Variants in SNX25 observed in about 807,000 individuals in gnomAD.
The protein encoded by SNX25 is sorting nexin-25.
In SNX25, 62 loss-of-function variants were observed where a neutral mutation model predicts 113.7. The ratio of observed to expected loss-of-function variants is 0.55; its 90% confidence interval spans 0.44 to 0.67. SNX25 has a LOEUF of 0.67. Ranked by LOEUF, SNX25 falls within the 30% of genes least tolerant of loss-of-function variation. The pLI, the probability that SNX25 is intolerant of heterozygous loss-of-function variation, is 0.00. For missense variants in SNX25, 1,014 were observed against 1,161.0 expected, an observed-to-expected ratio of 0.87 and a Z score of 1.84; for synonymous variants, 421 against 436.2, an observed-to-expected ratio of 0.97 and a Z score of 0.43.
At chr4:185,296,996 A>G (rs1488320378) in intron 6 of SNX25, among the ~76,000 whole-genome samples, 2 of 152,100 alleles carry the variant, frequency 1.3e-5, no homozygotes, top group African/African-American at 2.4e-5. Context: ...TTGACTGCTC[A>G]GTCTTCTTGA....
chr4:185,350,797 A>G (rs909485825), intron 13 of SNX25, among the ~76,000 whole-genome samples: 18 of 152,210 alleles, frequency 1.2e-4, no homozygotes, highest in Non-Finnish European at 2.5e-4. Flanking sequence ...AGGAGGCAGA[A>G]GTTGCGGTGA....
At chr4:185,321,128 A>G (rs1217275230) in intron 8 of SNX25, among the ~76,000 whole-genome samples, 1 of 152,176 alleles carries the variant, frequency 6.6e-6, no homozygotes, top group Non-Finnish European at 1.5e-5. Flanking sequence ...TTTTTTTTAC[A>G]CATTGTAAAA....
At chr4:185,222,610 A>G (rs1473316045) in intron 1 of SNX25, among the ~76,000 whole-genome samples, 1 of 152,178 alleles carries the variant, frequency 6.6e-6, no homozygotes, top group Non-Finnish European at 1.5e-5. Flanking sequence ...TTGTAATTTT[A>G]TACTCATTTG....
chr4:185,209,964 G>A lies in SNX25; in HGVS notation c.138G>A (p.Ala46=). 2 of 983,526 alleles carry A rather than the reference G, an allele frequency of 2.0e-6. No homozygotes were observed. Among genetic ancestry groups the A allele is most frequent in the South Asian group, 4.6e-5 (1 of 21,628 alleles). The allele number at this position is 983,526 out of a possible 1,614,324, so 60.9% of individuals were successfully genotyped here. A position where few individuals can be genotyped will look rare whatever the true frequency, so the allele number is the denominator to read the frequency against. ...CGGGGGACGCGGAGGCAGCAGCAGC[G>A]GCGGCGCCGGGGGCCCCGGGCGGCC... is the stretch of plus-strand genomic sequence containing the variant. The part of the protein sequence containing the change: ...ESPGDAEAAA[A]AAPGAPGGRS... Residue 46 remains alanine (A), a synonymous_variant, in exon 1 of 19, where the codon GCG becomes GCA. Coordinates refer to ENST00000652585, the MANE Select transcript of SNX25 (RefSeq NM_001378034.2). This position sits in a 1 kb window ranked among gnomAD's most constrained non-coding sequence, Gnocchi z 5.2.
Position 185,258,844 on chromosome 4 carries a change from G to A in SNX25, c.515-4G>A. The A allele has an allele frequency of 6.2e-7, 1 of 1,606,696 alleles. No individual in the cohort carries two copies. The highest frequency in any genetic ancestry group is 8.5e-7 in the Non-Finnish European group (1 of 1,173,826). ...TTACTCATTGCTTTGTTTATTCCTGGTAGTGTTCGACTACAGTTATAGAGA... is the reference window on the plus strand; with the variant it reads ...TTACTCATTGCTTTGTTTATTCCTGATAGTGTTCGACTACAGTTATAGAGA... On this transcript the variant is annotated splice_polypyrimidine_tract_variant and splice_region_variant and intron_variant, in intron 2 of 18. Coordinates refer to ENST00000652585, the MANE Select transcript of SNX25 (RefSeq NM_001378034.2).
intron 5 of SNX25, among the ~76,000 whole-genome samples, chr4:185,267,456 A>C (rs1579546796): frequency 6.6e-6 from 1 of 151,900 alleles, no homozygotes; most frequent in South Asian, 2.1e-4. Context: ...GGCCAAGCAC[A>C]GTGGCTCAAA....
chr4:185,342,298 A>G (rs1202083240), intron 12 of SNX25, among the ~76,000 whole-genome samples, 182 bp downstream of exon 12: 1 of 152,230 alleles, frequency 6.6e-6, no homozygotes, highest in Non-Finnish European at 1.5e-5. Flanking sequence ...TAAGTCCATC[A>G]GGACAGATAA....
rs2111464601 is a variant in SNX25, at chr4:185,210,632, C to A, written c.429+377C>A. On this transcript the variant is annotated intron_variant, in intron 1 of 18. Coordinates refer to ENST00000652585, the MANE Select transcript of SNX25 (RefSeq NM_001378034.2). This position sits in a 1 kb window ranked among gnomAD's most constrained non-coding sequence, Gnocchi z 4.4. ...GTGCAGGCTCTGCGCACGGTCCTGG[C>A]GATCCGCTTGGTTCTTCTGGCCGTT... is the stretch of plus-strand genomic sequence containing the variant. 6.6e-6 allele frequency among the ~76,000 whole-genome samples: 1 copy of A among 151,870 alleles called. No homozygotes were observed. Among genetic ancestry groups the A allele is most frequent in the East Asian group, 2.0e-4 (1 of 5,124 alleles).
chr4:185,346,783 G>T, intron 13 of SNX25, 133 bp downstream of exon 13: 1 of 594,166 alleles, frequency 1.7e-6, no homozygotes, highest in Non-Finnish European at 2.9e-6. Flanking sequence ...AATATCTTGG[G>T]TGTTTTTTTT....
downstream of SNX25, chr4:185,370,554 A>C: frequency 5.0e-6 from 7 of 1,393,154 alleles, no homozygotes; most frequent in Non-Finnish European, 6.9e-6. Flanking sequence ...AGTAGAAAAA[A>C]CACTAATCCG....
chr4:185,274,428 C>G (rs1749378994), intron 5 of SNX25, among the ~76,000 whole-genome samples: 1 of 152,122 alleles, frequency 6.6e-6, no homozygotes, highest in Admixed American at 6.6e-5. Flanking sequence ...TTTTATTGGT[C>G]AGAACATTTG....
chr4:185,347,497 T>C (rs184878752), intron 13 of SNX25, among the ~76,000 whole-genome samples: 1 of 152,020 alleles, frequency 6.6e-6, no homozygotes, highest in East Asian at 1.9e-4. Flanking sequence ...TGAGACGGAG[T>C]TTCGCTCTTG....
downstream of SNX25, chr4:185,367,304 T>A: frequency 1.2e-5 from 4 of 329,860 alleles, no homozygotes; most frequent in Non-Finnish European, 1.7e-5. Context: ...GTCTTTCTTC[T>A]TTTTTTTTTT....
Position 185,216,717 on chromosome 4 carries a change from C to T in SNX25, c.429+6462C>T, listed in dbSNP as rs555508954. ...GTAATTTTTAGTAGAGATGGGGTTT[C>T]GCCATGTTAGCCAGGCTGATCTTGA... On this transcript the variant is annotated intron_variant, in intron 1 of 18. Coordinates refer to ENST00000652585, the MANE Select transcript of SNX25 (RefSeq NM_001378034.2). Among the ~76,000 whole-genome samples, 6 of 151,714 alleles carry T rather than the reference C, an allele frequency of 4.0e-5. No homozygotes were observed. In the South Asian group the frequency reaches 6.2e-4, roughly 16 times the overall value.
At chr4:185,326,808 C>G (rs2095160431) in intron 9 of SNX25, among the ~76,000 whole-genome samples, 1 of 152,100 alleles carries the variant, frequency 6.6e-6, no homozygotes, top group Non-Finnish European at 1.5e-5. Context: ...TAATGTTTGA[C>G]CACAAGTTAA....
At chr4:185,367,132 C>T, downstream of SNX25, 1 of 1,461,300 alleles carries the variant, frequency 6.8e-7, no homozygotes. Flanking sequence ...AAAATACACA[C>T]ATTGTGAGGT....
At chr4:185,215,177 C>A (rs1031225186) in intron 1 of SNX25, among the ~76,000 whole-genome samples, 1 of 151,724 alleles carries the variant, frequency 6.6e-6, no homozygotes, top group Non-Finnish European at 1.5e-5. Flanking sequence ...TGCAGTGAGC[C>A]GAGATCGTGC....
chr4:185,307,615 G>C (rs1754643228), intron 6 of SNX25, among the ~76,000 whole-genome samples: 2 of 152,080 alleles, frequency 1.3e-5, no homozygotes, highest in Non-Finnish European at 2.9e-5. Flanking sequence ...AACTACTCTG[G>C]CATCCAGCTA....
rs2126761386 is a variant in SNX25 at position 185,362,069 on chromosome 4, C to A, written c.2797C>A (p.Gln933Lys). ...RSKEQSQETK[Q>K]RAQQKLLENI... ...CAAAGAGCAAAGTCAGGAAACAAAACAGAGAGCACAGCAAAAGCTGCTTGA... is the reference window on the plus strand; with the variant it reads ...CAAAGAGCAAAGTCAGGAAACAAAAAAGAGAGCACAGCAAAAGCTGCTTGA... Residue 933 changes from glutamine (Q) to lysine (K), a missense_variant, in exon 17 of 19, where the codon CAG becomes AAG. Coordinates refer to ENST00000652585, the MANE Select transcript of SNX25 (RefSeq NM_001378034.2). 6.2e-7 allele frequency: 1 copy of A among 1,613,798 alleles called. No homozygotes were observed. Among genetic ancestry groups the A allele is most frequent in the East Asian group, 2.2e-5 (1 of 44,868 alleles).
Sources: allele counts gnomAD v4.1 joint callset (sites outside exome capture counted in the v4.1 genomes callset), GRCh38; gene constraint gnomAD v4.1.1; non-coding constraint Gnocchi (gnomAD v3.1); transcripts MANE v1.5; gene names NCBI Gene and HGNC (gene_info 2026-07-23, HGNC 2026-07-21).